The following PLA2G4C variants were observed in gnomAD, a reference collection of about 807,000 sequenced individuals.
The protein encoded by PLA2G4C is cytosolic phospholipase A2 gamma.
Under a neutral mutation model 73.8 loss-of-function variants are expected in PLA2G4C, and 64 were observed. That is an observed-to-expected ratio of 0.87 (90% CI 0.71 to 1.07). The LOEUF (loss-of-function observed/expected upper bound fraction) is 1.07. PLA2G4C is among the 50% of genes least tolerant of loss of function. The pLI, the probability that PLA2G4C is intolerant of heterozygous loss-of-function variation, is 0.00. For missense variants in PLA2G4C, 622 were observed against 665.4 expected, an observed-to-expected ratio of 0.93 and a Z score of 0.72; for synonymous variants, 254 against 252.1, an observed-to-expected ratio of 1.01 and a Z score of -0.07.
chr19:48,098,833 T>G (rs2031752960), intron 5 of PLA2G4C, among the ~76,000 whole-genome samples: 2 of 140,594 alleles, frequency 1.4e-5, no homozygotes, highest in Non-Finnish European at 1.5e-5. Flanking sequence ...GCCCAGGAGG[T>G]CAAGGCTGCA....
rs1439795113 is a variant in PLA2G4C at position 48,072,891 on chromosome 19, G to A, written c.1006+1876C>T. 1.3e-5 allele frequency: 2 copies of A among 152,320 alleles called. No homozygotes were observed. The highest frequency in any genetic ancestry group is 4.8e-5 in the African/African-American group (2 of 41,440). 9.4% of individuals were successfully genotyped at this position (152,320 alleles called of 1,614,324 possible). A position where few individuals can be genotyped will look rare whatever the true frequency, so the allele number is the denominator to read the frequency against. On this transcript the variant is annotated intron_variant, in intron 12 of 16. Transcript: ENST00000599921. The surrounding 1 kb of genome is among the most constrained non-coding windows in gnomAD (Gnocchi z 4.4). ...TCATCACAGAGGTGAGAGGTTGGAT[G>A]TCTGGGGGTGAGACTGGCTGTACCT...
At chr19:48,088,618 T>C (rs1361898138) in intron 9 of PLA2G4C, 68 bp downstream of exon 9, 1 of 1,066,960 alleles carries the variant, frequency 9.4e-7, no homozygotes, top group Non-Finnish European at 1.5e-6. Context: ...CCTAGGACAA[T>C]GGCTGGCCTC....
intron 14 of PLA2G4C, among the ~76,000 whole-genome samples, chr19:48,055,328 C>G (rs568793871): frequency 6.7e-6 from 1 of 150,256 alleles, no homozygotes; most frequent in Admixed American, 6.6e-5. Flanking sequence ...AAAATGGTGC[C>G]TAGATGAGGC....
chr19:48,067,445 G>A (rs1355561134), intron 13 of PLA2G4C, among the ~76,000 whole-genome samples: 1 of 152,216 alleles, frequency 6.6e-6, no homozygotes, highest in Non-Finnish European at 1.5e-5. Flanking sequence ...TGGGATTACA[G>A]GCATGAGCCA....
In PLA2G4C at chr19:48,067,649, T is replaced by C. The variant is rs1196317433; in HGVS notation, c.1102+142A>G. Reference sequence around the variant, plus strand: ...CTGAGCGAAAGTTCCCCTAATCAGATCCCTGGGCCCTTTGACACCACCCCC... The same window carrying C: ...CTGAGCGAAAGTTCCCCTAATCAGACCCCTGGGCCCTTTGACACCACCCCC... On this transcript the variant is annotated intron_variant, in intron 13 of 16. Coordinates refer to ENST00000599921, the MANE Select transcript of PLA2G4C (RefSeq NM_003706.3). The C allele has an allele frequency of 1.4e-5, 10 of 698,378 alleles. No homozygotes were observed. In the African/African-American group the frequency reaches 1.8e-4, roughly 12 times the overall value. The allele number at this position is 698,378 out of a possible 1,614,324, so 43.3% of individuals were successfully genotyped here.
chr19:48,109,512 G>A (rs564276265), intron 1 of PLA2G4C, among the ~76,000 whole-genome samples: 3 of 152,162 alleles, frequency 2.0e-5, no homozygotes, highest in Non-Finnish European at 2.9e-5. Context: ...GCTCAAGAGA[G>A]CTTTCCACCT....
intron 10 of PLA2G4C, among the ~76,000 whole-genome samples, chr19:48,083,690 G>A (rs984384970): frequency 1.3e-5 from 2 of 151,716 alleles, no homozygotes; most frequent in Non-Finnish European, 2.9e-5. Flanking sequence ...CAGGTGATCT[G>A]CCCACCTCAG....
chr19:48,098,752 AT>A (rs2031744797), intron 5 of PLA2G4C, among the ~76,000 whole-genome samples: 1 of 117,240 alleles, frequency 8.5e-6, no homozygotes, highest in Non-Finnish European at 1.8e-5. Context: ...AAAAAAAAAA[AT>A]TTGTCAGGCC....
chr19:48,071,565 G>A (rs1968659566), intron 12 of PLA2G4C, among the ~76,000 whole-genome samples: 1 of 151,642 alleles, frequency 6.6e-6, no homozygotes, highest in Non-Finnish European at 1.5e-5. Context: ...TCAAAGTGCT[G>A]GGATTAAAGC....
intron 13 of PLA2G4C, 59 bp from the exon 14 acceptor site, chr19:48,062,211 G>T (rs4802425): frequency 0.79 from 1,130,920 of 1,423,994 alleles, 449,481 homozygotes; most frequent in East Asian, 0.86. Context: ...GCAAGACTTG[G>T]AAATGGAAGG....
chr19:48,090,648 C>T (rs968643824), intron 7 of PLA2G4C: 1 of 526,846 alleles, frequency 1.9e-6, no homozygotes, highest in African/African-American at 1.9e-5. Flanking sequence ...TCCTCACGAA[C>T]CTTCTATGGG....
intron 14 of PLA2G4C, among the ~76,000 whole-genome samples, chr19:48,057,795 T>C (rs1376659641): frequency 6.6e-6 from 1 of 150,928 alleles, no homozygotes; most frequent in Non-Finnish European, 1.5e-5. Context: ...CGGCTTCTTC[T>C]TATTTTATAT....
chr19:48,091,217 G>A (rs60082328), intron 7 of PLA2G4C, among the ~76,000 whole-genome samples: 19 of 152,050 alleles, frequency 1.2e-4, no homozygotes, highest in East Asian at 7.8e-4. Context: ...ATGGGATCTC[G>A]CTCTGTTGCC....
At position 48,062,068 on chromosome 19, in the gene PLA2G4C, A is replaced by G. The variant is rs781329921; in HGVS notation, c.1187T>C (p.Leu396Pro). The G allele has an allele frequency of 1.2e-6, 2 of 1,613,692 alleles. No homozygotes were observed. Among genetic ancestry groups the G allele is most frequent in the Admixed American group, 3.3e-5 (2 of 59,972 alleles). Residue 396 changes from leucine to proline, a missense_variant, in exon 14 of 17, where the codon CTC becomes CCC. By Grantham distance (98) the Leu-to-Pro change is moderately conservative (BLOSUM62 -3). Transcript: ENST00000599921. ...AGLAINTPFPLVLPPTREVHL... is the reference protein window; with the variant it reads ...AGLAINTPFPPVLPPTREVHL... ...AACCTCCCGCGTCGGGGGCAGCACG[A>G]GTGGGAAGGGAGTGTTGATGGCTAA...
At chr19:48,090,076 A>T (rs1456419634) in intron 8 of PLA2G4C, 4 of 397,890 alleles carry the variant, frequency 1.0e-5, no homozygotes, top group Non-Finnish European at 1.8e-5. Context: ...TGTTATTATC[A>T]CCCGCATGGC....
At chr19:48,071,263 A>G (rs1473226476) in intron 12 of PLA2G4C, among the ~76,000 whole-genome samples, 1 of 151,750 alleles carries the variant, frequency 6.6e-6, no homozygotes, top group Admixed American at 6.6e-5. Flanking sequence ...CATGTTAAAG[A>G]AAACTAAATG....
intron 13 of PLA2G4C, among the ~76,000 whole-genome samples, chr19:48,062,526 C>T (rs1968228333): frequency 6.6e-6 from 1 of 152,180 alleles, no homozygotes; most frequent in Non-Finnish European, 1.5e-5. Flanking sequence ...AGGAGGATCA[C>T]TTGAACCCAT....
At chr19:48,050,673 CTTTT>C (rs5828330) in intron 16 of PLA2G4C, among the ~76,000 whole-genome samples, 1 of 78,744 alleles carries the variant, frequency 1.3e-5, no homozygotes, top group Non-Finnish European at 2.4e-5. Flanking sequence ...GAGTATGTGA[CTTTT>C]TTTTTTTTTT....
intron 16 of PLA2G4C, among the ~76,000 whole-genome samples, chr19:48,048,748 C>G (rs773253375): frequency 1.6e-4 from 25 of 152,198 alleles, no homozygotes; most frequent in Non-Finnish European, 3.2e-4. Context: ...CGTGCTTCCC[C>G]TACCCTGATC....
Sources: allele counts gnomAD v4.1 joint callset (sites outside exome capture counted in the v4.1 genomes callset), GRCh38; gene constraint gnomAD v4.1.1; non-coding constraint Gnocchi (gnomAD v3.1); transcripts MANE v1.5; gene names NCBI Gene and HGNC (gene_info 2026-07-23, HGNC 2026-07-21).